The following AGTR1 variants were observed in gnomAD, a reference collection of about 807,000 sequenced individuals.
AGTR1 encodes the protein type-1 angiotensin II receptor.
AGTR1 carries 16 observed loss-of-function variants against 19.4 expected under a neutral mutation model. The ratio of observed to expected loss-of-function variants is 0.82; its 90% CI spans 0.56 to 1.25. The LOEUF is 1.25. AGTR1 is among the 50% of genes most tolerant of loss of function. The pLI, the probability that AGTR1 is intolerant of heterozygous loss-of-function variation, is 0.00. For missense variants in AGTR1, 373 were observed against 431.9 expected, an observed-to-expected ratio of 0.86 and a Z score of 1.21; for synonymous variants, 153 against 154.9, an observed-to-expected ratio of 0.99 and a Z score of 0.09.
intron 1 of AGTR1, among the ~76,000 whole-genome samples, chr3:148,704,953 T>C (rs1712582905): frequency 6.6e-6 from 1 of 152,190 alleles, no homozygotes; most frequent in South Asian, 2.1e-4. Context: ...ATTTGTAAGT[T>C]ATGGGTTAGG....
chr3:148,733,660 A>T (rs1247145866), intron 2 of AGTR1, among the ~76,000 whole-genome samples: 1 of 152,226 alleles, frequency 6.6e-6, no homozygotes, highest in Non-Finnish European at 1.5e-5. Flanking sequence ...TCCAAGAGCC[A>T]TATTATTAAA....
intron 2 of AGTR1, among the ~76,000 whole-genome samples, chr3:148,730,710 A>T (rs1414278803): frequency 2.0e-5 from 3 of 152,214 alleles, no homozygotes; most frequent in Non-Finnish European, 4.4e-5. Flanking sequence ...TGGAGGGCTC[A>T]TTAAAAACAG....
intron 1 of AGTR1, among the ~76,000 whole-genome samples, chr3:148,702,722 G>A (rs1712419891): frequency 6.6e-6 from 1 of 152,150 alleles, no homozygotes; most frequent in East Asian, 1.9e-4. Flanking sequence ...TCCTTTGACA[G>A]TATGGATGGC....
intron 2 of AGTR1, among the ~76,000 whole-genome samples, chr3:148,728,103 C>G (rs2107957201): frequency 6.6e-6 from 1 of 152,170 alleles, no homozygotes; most frequent in East Asian, 1.9e-4. Context: ...TTGAGAGGCA[C>G]TAGACTGGAG....
intron 2 of AGTR1, among the ~76,000 whole-genome samples, chr3:148,738,340 G>T (rs982368650): frequency 5.3e-5 from 8 of 151,782 alleles, no homozygotes; most frequent in Non-Finnish European, 1.2e-4. Context: ...AACCTTCGAG[G>T]TTCCTTAACC....
At chr3:148,737,009 C>G (rs1175467503) in intron 2 of AGTR1, among the ~76,000 whole-genome samples, 8 of 152,162 alleles carry the variant, frequency 5.3e-5, no homozygotes, top group Non-Finnish European at 8.8e-5. Context: ...AAACCAGCAT[C>G]CGTTCAGCTT....
At chr3:148,735,736 G>A (rs1361951592) in intron 2 of AGTR1, among the ~76,000 whole-genome samples, 1 of 152,178 alleles carries the variant, frequency 6.6e-6, no homozygotes, top group Admixed American at 6.6e-5. Flanking sequence ...ATAGCTAACA[G>A]TTATTTCCTG....
intron 2 of AGTR1, among the ~76,000 whole-genome samples, chr3:148,730,946 C>T (rs773647405): frequency 1.4e-4 from 21 of 152,234 alleles, no homozygotes; most frequent in Non-Finnish European, 2.8e-4. Flanking sequence ...CTTGAAATGT[C>T]GCTAGTGTAA....
intron 2 of AGTR1, among the ~76,000 whole-genome samples, chr3:148,738,846 T>A (rs188262681): frequency 1.3e-5 from 2 of 152,356 alleles, no homozygotes; most frequent in African/African-American, 4.8e-5. Context: ...TTAGTCTCGA[T>A]ACACTATATT....
At chr3:148,730,683 T>C (rs770049392) in intron 2 of AGTR1, among the ~76,000 whole-genome samples, 16 of 152,188 alleles carry the variant, frequency 1.1e-4, no homozygotes, top group Non-Finnish European at 1.9e-4. Context: ...CAAATATTAG[T>C]GTGTATCAGA....
intron 2 of AGTR1, among the ~76,000 whole-genome samples, chr3:148,721,732 G>A (rs1047735802): frequency 2.0e-5 from 3 of 152,196 alleles, no homozygotes; most frequent in African/African-American, 7.2e-5. Flanking sequence ...GAGTACCAGA[G>A]AGTTGAGAGC....
At chr3:148,735,526 A>G (rs572066922) in intron 2 of AGTR1, among the ~76,000 whole-genome samples, 1 of 152,334 alleles carries the variant, frequency 6.6e-6, no homozygotes, top group Non-Finnish European at 1.5e-5. Context: ...TACCTGAGGA[A>G]CTATAAATAG....
At chr3:148,704,095 C>T (rs1050189536) in intron 1 of AGTR1, among the ~76,000 whole-genome samples, 1 of 152,022 alleles carries the variant, frequency 6.6e-6, no homozygotes, top group Admixed American at 6.6e-5. Flanking sequence ...GGTATGGTGG[C>T]TCAGACCTGT....
chr3:148,735,748 G>T (rs1714538108), intron 2 of AGTR1, among the ~76,000 whole-genome samples: 1 of 152,148 alleles, frequency 6.6e-6, no homozygotes, highest in African/African-American at 2.4e-5. Flanking sequence ...TATTTCCTGT[G>T]GCCTTACTTG....
At chr3:148,722,673 A>G (rs1209024180) in intron 2 of AGTR1, among the ~76,000 whole-genome samples, 1 of 152,128 alleles carries the variant, frequency 6.6e-6, no homozygotes, top group Non-Finnish European at 1.5e-5. Flanking sequence ...TGAGGTAGCC[A>G]TCAAGCCATC....
In AGTR1 at chr3:148,733,754, A is replaced by G. The variant is rs980309134; in HGVS notation, c.-47-7235A>G. On this transcript the variant is annotated intron_variant, in intron 2 of 2. Coordinates refer to ENST00000349243, the MANE Select transcript of AGTR1 (RefSeq NM_000685.5). ...TCTTGTGAGAAAATTCTATGAGTCTATAAGTTTGAAGAATTTAGAAGTGTA... is the reference window on the plus strand; with the variant it reads ...TCTTGTGAGAAAATTCTATGAGTCTGTAAGTTTGAAGAATTTAGAAGTGTA... Among the ~76,000 whole-genome samples the G allele has an allele frequency of 7.2e-5, 11 of 152,224 alleles. 1 individual carries two copies. Among genetic ancestry groups the G allele is most frequent in the South Asian group, 4.1e-4 (2 of 4,828 alleles).
Position 148,741,778 on chromosome 3 carries a change from T to G in AGTR1, c.743T>G (p.Phe248Cys), listed in dbSNP as rs746657746. The G allele has an allele frequency of 4.3e-6, 7 of 1,613,244 alleles. No individual in the cohort carries two copies. Among genetic ancestry groups the G allele is most frequent in the South Asian group, 3.3e-5 (3 of 91,082 alleles). Reference sequence around the variant, plus strand: ...AAGATAATTATGGCAATTGTGCTTTTCTTTTTCTTTTCCTGGATTCCCCAC... The same window carrying G: ...AAGATAATTATGGCAATTGTGCTTTGCTTTTTCTTTTCCTGGATTCCCCAC... Reference protein sequence around the residue: ...IFKIIMAIVLFFFFSWIPHQI... With the variant: ...IFKIIMAIVLCFFFSWIPHQI... Residue 248 changes from phenylalanine to cysteine, a missense_variant, in exon 3 of 3, where the codon TTC (phenylalanine) becomes TGC (cysteine). Transcript: ENST00000349243.
At chr3:148,703,414 C>T (rs371853751) in intron 1 of AGTR1, among the ~76,000 whole-genome samples, 3 of 152,282 alleles carry the variant, frequency 2.0e-5, no homozygotes, top group African/African-American at 4.8e-5. Flanking sequence ...CACAGTGTAC[C>T]GTACCTGTGG....
chr3:148,701,977 C>CTTTT (rs398062907), intron 1 of AGTR1, among the ~76,000 whole-genome samples: 1 of 132,678 alleles, frequency 7.5e-6, no homozygotes, highest in African/African-American at 2.9e-5. Flanking sequence ...GATTGTGTAC[C>CTTTT]TTTTTTTTTT....
Sources: gnomAD v4.1 joint callset for allele counts (sites outside exome capture counted in the v4.1 genomes callset) on GRCh38, gnomAD v4.1.1 for gene constraint, MANE v1.5 for transcripts, NCBI Gene and HGNC (gene_info 2026-07-23, HGNC 2026-07-21) for gene names.